NRXN1: variants seen among roughly 807,000 people sequenced by gnomAD.
NRXN1 encodes the protein neurexin-1.
NRXN1 carries 39 observed loss-of-function variants against 150.9 expected under a neutral mutation model. That is an observed-to-expected ratio of 0.26 (90% CI 0.20 to 0.34). NRXN1 has a LOEUF of 0.34. Ranked by LOEUF, NRXN1 falls within the 10% of genes least tolerant of loss-of-function variation. NRXN1 has a pLI of 1.00. For synonymous variants in NRXN1, 924 were observed against 757.0 expected, an observed-to-expected ratio of 1.22 and a Z score of -3.62; for missense variants, 1,815 against 1,949.9, an observed-to-expected ratio of 0.93 and a Z score of 1.30.
At chr2:50,715,875 C>T (rs1695809556) in intron 5 of NRXN1, among the ~76,000 whole-genome samples, 1 of 152,136 alleles carries the variant, frequency 6.6e-6, no homozygotes, top group Admixed American at 6.6e-5. Flanking sequence ...ACTCTCAACG[C>T]ACTTCTTTTT....
At chr2:50,180,950 T>G (rs1345887781) in intron 18 of NRXN1, among the ~76,000 whole-genome samples, 1 of 152,154 alleles carries the variant, frequency 6.6e-6, no homozygotes, top group Admixed American at 6.6e-5. Context: ...AGCATTATTT[T>G]TAACTTTTGG....
chr2:50,229,341 G>A (rs574505273), intron 18 of NRXN1, among the ~76,000 whole-genome samples: 4 of 151,232 alleles, frequency 2.6e-5, no homozygotes, highest in African/African-American at 9.7e-5. Context: ...GTGTGTGTGT[G>A]TGTAATAAAA....
chr2:50,244,774 T>A (rs567655480), intron 17 of NRXN1, among the ~76,000 whole-genome samples: 73 of 151,906 alleles, frequency 4.8e-4, no homozygotes, highest in Admixed American at 3.0e-3. Context: ...TTTCTAACCA[T>A]AAAGAAATGA....
At chr2:51,014,934 G>A (rs768159156) in intron 2 of NRXN1, among the ~76,000 whole-genome samples, 1 of 152,022 alleles carries the variant, frequency 6.6e-6, no homozygotes, top group Admixed American at 6.6e-5. Context: ...TACACTGCCA[G>A]AAATGACAGC....
intron 17 of NRXN1, among the ~76,000 whole-genome samples, chr2:50,437,607 G>T (rs2085554730): frequency 6.6e-6 from 1 of 152,138 alleles, no homozygotes; most frequent in Non-Finnish European, 1.5e-5. Flanking sequence ...GGGGAGAAGA[G>T]AAGGAAGGAA....
intron 8 of NRXN1, among the ~76,000 whole-genome samples, chr2:50,606,276 G>T (rs916207524): frequency 1.4e-5 from 2 of 143,052 alleles, no homozygotes; most frequent in Admixed American, 1.4e-4. Flanking sequence ...AAAAAAGAAG[G>T]AAATCCTGCA....
chr2:50,560,337 C>A (rs1017722526), intron 8 of NRXN1, among the ~76,000 whole-genome samples: 2 of 152,120 alleles, frequency 1.3e-5, no homozygotes, highest in Non-Finnish European at 2.9e-5. Flanking sequence ...ACAGTACCTA[C>A]AACTGTGGAG....
At chr2:50,455,145 T>C (rs185063412) in intron 17 of NRXN1, among the ~76,000 whole-genome samples, 62 of 152,278 alleles carry the variant, frequency 4.1e-4, no homozygotes, top group African/African-American at 1.4e-3. Flanking sequence ...CATAAGATTG[T>C]GGAGGAACTT....
chr2:51,007,357 G>A (rs770376447), intron 2 of NRXN1, among the ~76,000 whole-genome samples: 11 of 151,792 alleles, frequency 7.2e-5, no homozygotes, highest in Non-Finnish European at 5.9e-5. Context: ...AAATATGTGT[G>A]CCTATGACAA....
At chr2:50,336,603 T>G (rs2077206335) in intron 17 of NRXN1, among the ~76,000 whole-genome samples, 1 of 152,236 alleles carries the variant, frequency 6.6e-6, no homozygotes, top group South Asian at 2.1e-4. Context: ...ACTGTTCCCT[T>G]TTAATTGTAA....
intron 18 of NRXN1, among the ~76,000 whole-genome samples, chr2:50,177,067 T>C (rs911104355): frequency 9.2e-5 from 14 of 152,174 alleles, no homozygotes; most frequent in African/African-American, 3.4e-4. Context: ...TTTAGTTGTG[T>C]TCTTGCAGAA....
chr2:50,596,862 A>AT (rs1675309459), intron 8 of NRXN1, among the ~76,000 whole-genome samples: 1 of 62,956 alleles, frequency 1.6e-5, no homozygotes, highest in South Asian at 7.9e-4. Flanking sequence ...AATTCCTAGG[A>AT]CTTTTTTTTT....
At chr2:50,721,995 G>T (rs1696719995) in intron 5 of NRXN1, among the ~76,000 whole-genome samples, 1 of 152,102 alleles carries the variant, frequency 6.6e-6, no homozygotes, top group African/African-American at 2.4e-5. Context: ...TGAAAACTCT[G>T]AGAAGAGAAA....
intron 21 of NRXN1, among the ~76,000 whole-genome samples, chr2:49,949,255 C>A (rs917457266): frequency 1.4e-4 from 22 of 151,876 alleles, no homozygotes; most frequent in African/African-American, 5.3e-4. Context: ...TAGAGAAACA[C>A]AGATGTATGT....
At chr2:50,646,928 C>T (rs1573951639) in intron 5 of NRXN1, among the ~76,000 whole-genome samples, 1 of 151,638 alleles carries the variant, frequency 6.6e-6, no homozygotes, top group East Asian at 1.9e-4. Context: ...ACAGACTATG[C>T]CTGTGAATAC....
In NRXN1 at chr2:49,934,062, C is replaced by T. The variant is rs1670592175; in HGVS notation, c.4216+9642G>A. Among the ~76,000 whole-genome samples, 6 of 152,166 alleles carry T rather than the reference C, an allele frequency of 3.9e-5. No homozygotes were observed. The South Asian group carries it at 1.0e-3, about 26-fold the overall frequency. ...ACATTCTATCTTTAATGGATCAGTGCTCTCTGGCTCCTATGGTTGGAGTGA... is the reference window on the plus strand; with the variant it reads ...ACATTCTATCTTTAATGGATCAGTGTTCTCTGGCTCCTATGGTTGGAGTGA... On this transcript the variant is annotated intron_variant, in intron 22 of 22. Coordinates refer to ENST00000401669, the MANE Select transcript of NRXN1 (RefSeq NM_001330078.2).
intron 5 of NRXN1, among the ~76,000 whole-genome samples, chr2:50,628,152 T>C (rs1299409830): frequency 6.6e-6 from 1 of 151,794 alleles, no homozygotes; most frequent in Non-Finnish European, 1.5e-5. Context: ...AGAATAAATC[T>C]CAACAAAGGT....
chr2:50,878,805 A>G (rs547235078), intron 5 of NRXN1, among the ~76,000 whole-genome samples: 1 of 152,094 alleles, frequency 6.6e-6, no homozygotes, highest in East Asian at 2.0e-4. Flanking sequence ...TCTGCCTGGT[A>G]GAGTTTTTCC....
chr2:50,307,755 G>A (rs893811292), intron 17 of NRXN1, among the ~76,000 whole-genome samples: 1 of 152,048 alleles, frequency 6.6e-6, no homozygotes, highest in African/African-American at 2.4e-5. Flanking sequence ...ATGATCCATT[G>A]AAATGACTCA....
Sources: gnomAD v4.1 joint callset for allele counts (sites outside exome capture counted in the v4.1 genomes callset) on GRCh38, gnomAD v4.1.1 for gene constraint, MANE v1.5 for transcripts, NCBI Gene and HGNC (gene_info 2026-07-23, HGNC 2026-07-21) for gene names.